DNAH10: variants seen among roughly 807,000 people sequenced by gnomAD.
DNAH10 encodes dynein axonemal heavy chain 10, also known as axonemal beta dynein heavy chain 10.
DNAH10 carries 348 observed loss-of-function variants against 506.6 expected under a neutral mutation model. The observed-to-expected ratio is 0.69, with a 90% CI of 0.63 to 0.75. The LOEUF (loss-of-function observed/expected upper bound fraction) is 0.75, where lower values mean the gene tolerates loss of function less well. Ranked by LOEUF, DNAH10 falls within the 30% of genes least tolerant of loss-of-function variation. The pLI is 0.00. For missense variants in DNAH10, 5,179 were observed against 5,787.1 expected, an observed-to-expected ratio of 0.89 and a Z score of 3.41; for synonymous variants, 2,059 against 2,198.6, an observed-to-expected ratio of 0.94 and a Z score of 1.78.
intron 5 of DNAH10, among the ~76,000 whole-genome samples, chr12:123,775,323 G>T (rs750401064): frequency 4.6e-5 from 7 of 152,074 alleles, no homozygotes; most frequent in South Asian, 2.1e-4. Context: ...TGCCTAGGCT[G>T]GTCTCCAACT....
chr12:123,887,047 C>A, intron 51 of DNAH10, 95 bp from the exon 52 acceptor site: 2 of 1,435,754 alleles, frequency 1.4e-6, no homozygotes, highest in Non-Finnish European at 1.9e-6. Flanking sequence ...CAGACCCACG[C>A]CCTCTGCACT....
rs1168955801 is a variant in DNAH10 at position 123,855,103 on chromosome 12, C to T, written c.6438+1751C>T. Reference sequence around the variant, plus strand: ...AGTTGCTTCCTTCTTCTGGAGAAGGCGGGGAACTGCAATCCCCGGGGCTCC... The same window carrying T: ...AGTTGCTTCCTTCTTCTGGAGAAGGTGGGGAACTGCAATCCCCGGGGCTCC... On this transcript the variant is annotated intron_variant, in intron 36 of 78. Coordinates refer to ENST00000673944, the MANE Select transcript of DNAH10 (RefSeq NM_001372106.1). 3.9e-5 allele frequency among the ~76,000 whole-genome samples: 6 copies of T among 152,218 alleles called. No individual in the cohort carries two copies. The East Asian group carries it at 5.8e-4, about 15-fold the overall frequency.
In DNAH10 at chr12:123,781,197, G is replaced by A; in HGVS notation, c.739G>A (p.Glu247Lys). The change falls in exon 6 of 79, where the codon GAG (glutamate) becomes AAG (lysine). Residue 247 changes from glutamate (E) to lysine (K), a missense_variant. By Grantham distance (56) the Glu-to-Lys change is moderately conservative. Transcript: ENST00000673944. ...ATCAGACCTGCCGCCCATGCCTGGG[G>A]AGGCAGTAGAATATCACAGTATTCA... is the stretch of plus-strand genomic sequence containing the variant. Reference protein sequence around the residue: ...HESDLPPMPGEAVEYHSIQLI... With the variant: ...HESDLPPMPGKAVEYHSIQLI... The A allele has an allele frequency of 1.9e-6, 3 of 1,614,098 alleles. No homozygotes were observed. The highest frequency in any genetic ancestry group is 2.5e-6 in the Non-Finnish European group (3 of 1,180,012).
intron 5 of DNAH10, among the ~76,000 whole-genome samples, chr12:123,779,486 G>A (rs1957563164): frequency 6.6e-6 from 1 of 152,128 alleles, no homozygotes; most frequent in African/African-American, 2.4e-5. Context: ...GAAATGTACG[G>A]GATCATCTAG....
rs547109174 is a variant in DNAH10 at position 123,790,331 on chromosome 12, A to G, written c.1815+210A>G. Among the ~76,000 whole-genome samples the G allele has an allele frequency of 5.3e-5, 8 of 152,324 alleles. No homozygotes were observed. The South Asian group carries it at 1.7e-3, about 32-fold the overall frequency. On this transcript the variant is annotated intron_variant, in intron 11 of 78. Coordinates refer to ENST00000673944, the MANE Select transcript of DNAH10 (RefSeq NM_001372106.1). ...TTCTTTGTCCTCACACCCATTCTCCAGGTGGGATAAGTTTAAGTTGAGCTA... is the reference window on the plus strand; with the variant it reads ...TTCTTTGTCCTCACACCCATTCTCCGGGTGGGATAAGTTTAAGTTGAGCTA...
chr12:123,875,531 T>C (rs1235252401), intron 47 of DNAH10, 40 bp downstream of exon 47: 1 of 1,608,748 alleles, frequency 6.2e-7, no homozygotes, highest in Admixed American at 1.7e-5. Flanking sequence ...CGGAAGACCT[T>C]GTGTTGGGGG....
chr12:123,893,889 C>T (rs1953101985), intron 53 of DNAH10, among the ~76,000 whole-genome samples: 1 of 152,104 alleles, frequency 6.6e-6, no homozygotes, highest in African/African-American at 2.4e-5. Flanking sequence ...GCCAGGGATG[C>T]TGTGAAGCAT....
At position 123,847,963 on chromosome 12, in the gene DNAH10, G is replaced by C; in HGVS notation, c.5817G>C (p.Ala1939=). The change falls in exon 33 of 79, where the codon GCG becomes GCC. Residue 1939 remains alanine (A), a splice_region_variant and synonymous_variant. Transcript: ENST00000673944. ...GTTTTGCATTTGGCTTATAACAGGC[G>C]CTGTCCATGTATCTAGGTGGGGCCC... The part of the protein sequence containing the change: ...TDRIYLTLTQ[A]LSMYLGGAPA... 1.9e-6 allele frequency: 3 copies of C among 1,608,852 alleles called. No individual in the cohort carries two copies. The highest frequency in any genetic ancestry group is 2.5e-6 in the Non-Finnish European group (3 of 1,177,962).
intron 70 of DNAH10, 110 bp from the exon 71 acceptor site, chr12:123,929,165 A>T: frequency 1.7e-6 from 2 of 1,152,992 alleles, no homozygotes; most frequent in Non-Finnish European, 2.5e-6. Context: ...GAGGTCTCAG[A>T]CAGATGGCTC....
chr12:123,913,465 A>C lies in DNAH10; in HGVS notation c.10352+150A>C. The stretch of plus-strand genomic sequence containing the variant: ...ATGTTCCTATTATCATGTTTATGGC[A>C]GCTAATGGCTATTTTATAGGCTCTT... On this transcript the variant is annotated intron_variant, in intron 60 of 78. Transcript: ENST00000673944. This position sits in a 1 kb window ranked among gnomAD's most constrained non-coding sequence, Gnocchi z 5.1. The C allele has an allele frequency of 1.2e-6, 1 of 813,912 alleles. No homozygotes were observed. 50.4% of individuals were successfully genotyped at this position (813,912 alleles called of 1,614,324 possible).
At chr12:123,826,403 C>T (rs1959994744) in intron 24 of DNAH10, among the ~76,000 whole-genome samples, 1 of 152,206 alleles carries the variant, frequency 6.6e-6, no homozygotes, top group Admixed American at 6.5e-5. Flanking sequence ...CTGTTAATTA[C>T]TTTATACCTC....
intron 24 of DNAH10, among the ~76,000 whole-genome samples, chr12:123,826,135 A>ATG (rs1237281675): frequency 1.7e-5 from 2 of 119,456 alleles, no homozygotes; most frequent in African/African-American, 6.2e-5. Flanking sequence ...AAAAAATAAA[A>ATG]ATAATAATTT....
intron 30 of DNAH10, among the ~76,000 whole-genome samples, chr12:123,842,441 A>G (rs1950806735): frequency 1.3e-5 from 2 of 152,360 alleles, no homozygotes; most frequent in South Asian, 2.1e-4. Context: ...TAGATTAGAC[A>G]GGATCCCCCG....
chr12:123,860,889 A>T, intron 38 of DNAH10, 123 bp from the exon 39 acceptor site: 1 of 1,276,156 alleles, frequency 7.8e-7, no homozygotes. Flanking sequence ...AAGAGTTTGC[A>T]TGGGTTGCAT....
intron 62 of DNAH10, among the ~76,000 whole-genome samples, 197 bp downstream of exon 62, chr12:123,915,196 C>A (rs1180559554): frequency 6.7e-6 from 1 of 149,280 alleles, no homozygotes; most frequent in Non-Finnish European, 1.5e-5. Flanking sequence ...CAGCTCAAAC[C>A]GCCATGAACT....
chr12:123,869,539 G>A (rs1465266602), intron 43 of DNAH10, among the ~76,000 whole-genome samples: 3 of 152,144 alleles, frequency 2.0e-5, no homozygotes, highest in Non-Finnish European at 4.4e-5. Flanking sequence ...TGCCCTTTCC[G>A]CGCTCTCCGC....
chr12:123,809,510 C>T lies in DNAH10; in HGVS notation c.3144+557C>T, dbSNP rs954268715. 3.3e-5 allele frequency among the ~76,000 whole-genome samples: 5 copies of T among 151,920 alleles called. No homozygotes were observed. In the South Asian group the frequency reaches 6.2e-4, roughly 19 times the overall value. ...CCAAAACTAAAATTAATTAGCTAGG[C>T]GTGGTGGTGCACACCTGTGTTCCTA... On this transcript the variant is annotated intron_variant, in intron 19 of 78. Coordinates refer to ENST00000673944, the MANE Select transcript of DNAH10 (RefSeq NM_001372106.1).
At chr12:123,932,808 T>C (rs1004452951) in intron 76 of DNAH10, 6 of 152,722 alleles carry the variant, frequency 3.9e-5, no homozygotes, top group Admixed American at 2.6e-4. Context: ...TTTACAGACA[T>C]TTTGTGTTTG....
intron 17 of DNAH10, among the ~76,000 whole-genome samples, chr12:123,804,248 G>T (rs1958575655): frequency 6.6e-6 from 1 of 152,080 alleles, no homozygotes; most frequent in South Asian, 2.1e-4. Context: ...ACTTTAGGCA[G>T]GGCTCGGTGG....
Sources: gnomAD v4.1 joint callset for allele counts (sites outside exome capture counted in the v4.1 genomes callset) on GRCh38, gnomAD v4.1.1 for gene constraint, Gnocchi (gnomAD v3.1) non-coding constraint, MANE v1.5 for transcripts, NCBI Gene and HGNC (gene_info 2026-07-23, HGNC 2026-07-21) for gene names.